PHACTR1: variants seen among roughly 807,000 people sequenced by gnomAD.
PHACTR1 encodes phosphatase and actin regulator 1.
Under a neutral mutation model 69.2 loss-of-function variants are expected in PHACTR1, and 16 were observed. The ratio of observed to expected loss-of-function variants is 0.23; its 90% CI spans 0.16 to 0.35. The LOEUF (loss-of-function observed/expected upper bound fraction) is 0.35. Among genes scored for constraint, PHACTR1 ranks in the 10% least tolerant of loss-of-function variants. The pLI is 1.00. For synonymous variants in PHACTR1, 312 were observed against 284.5 expected, an observed-to-expected ratio of 1.10 and a Z score of -0.97; for missense variants, 510 against 734.7, an observed-to-expected ratio of 0.69 and a Z score of 3.54.
chr6:12,801,426 A>G (rs1773686691), intron 4 of PHACTR1, among the ~76,000 whole-genome samples: 1 of 152,196 alleles, frequency 6.6e-6, no homozygotes, highest in Non-Finnish European at 1.5e-5. Context: ...TCTCATTATC[A>G]AAAGAATGTA....
chr6:12,731,874 C>T (rs78969407), intron 3 of PHACTR1, among the ~76,000 whole-genome samples: 2,032 of 152,146 alleles, frequency 0.013, 37 homozygotes, highest in South Asian at 0.068. Context: ...TGTCGCCACA[C>T]ATTCAAAGGT....
intron 4 of PHACTR1, among the ~76,000 whole-genome samples, chr6:12,803,385 G>A (rs1422071619): frequency 6.6e-6 from 1 of 152,060 alleles, no homozygotes; most frequent in Non-Finnish European, 1.5e-5. Flanking sequence ...TCACAGAAAA[G>A]GAGGAGGAGA....
intron 4 of PHACTR1, among the ~76,000 whole-genome samples, chr6:12,919,125 C>T (rs1041540581): frequency 2.6e-5 from 4 of 151,740 alleles, no homozygotes; most frequent in African/African-American, 4.8e-5. Context: ...ACTGCATGCA[C>T]CCAGCCTGTA....
At chr6:12,857,333 C>T (rs1305222367) in intron 4 of PHACTR1, among the ~76,000 whole-genome samples, 4 of 152,170 alleles carry the variant, frequency 2.6e-5, no homozygotes, top group Non-Finnish European at 5.9e-5. Flanking sequence ...ACATTCTCGT[C>T]AGGCGCGGTG....
chr6:13,014,793 C>T (rs867824769), intron 4 of PHACTR1, among the ~76,000 whole-genome samples: 2 of 152,194 alleles, frequency 1.3e-5, no homozygotes, highest in Non-Finnish European at 2.9e-5. Context: ...CCAGAGCTCC[C>T]GCAGTCTAAT....
chr6:13,001,939 A>G (rs1006241733), intron 4 of PHACTR1, among the ~76,000 whole-genome samples: 2 of 152,222 alleles, frequency 1.3e-5, no homozygotes, highest in Non-Finnish European at 2.9e-5. Flanking sequence ...CCTGGATTCA[A>G]ATTGATTTGG....
chr6:13,147,710 T>C (rs1823625291), intron 5 of PHACTR1, among the ~76,000 whole-genome samples: 1 of 152,228 alleles, frequency 6.6e-6, no homozygotes, highest in East Asian at 1.9e-4. Context: ...GATTTCATTA[T>C]ATGATGACTG....
intron 4 of PHACTR1, among the ~76,000 whole-genome samples, chr6:12,972,364 A>G (rs1794318217): frequency 6.6e-6 from 1 of 152,212 alleles, no homozygotes; most frequent in South Asian, 2.1e-4. Flanking sequence ...ATTAATTCCT[A>G]CACATACCCC....
intron 4 of PHACTR1, among the ~76,000 whole-genome samples, chr6:12,887,840 G>A (rs986259911): frequency 7.2e-5 from 11 of 151,940 alleles, no homozygotes; most frequent in Non-Finnish European, 1.6e-4. Flanking sequence ...AGACCAAGGC[G>A]GGTGGATTGC....
intron 5 of PHACTR1, among the ~76,000 whole-genome samples, chr6:13,083,097 A>G (rs1360920679): frequency 3.3e-5 from 5 of 152,314 alleles, no homozygotes; most frequent in African/African-American, 1.2e-4. Context: ...GTAAGTCTTT[A>G]ATCCATCTTG....
chr6:12,866,564 C>T (rs923254903), intron 4 of PHACTR1, among the ~76,000 whole-genome samples: 9 of 152,056 alleles, frequency 5.9e-5, no homozygotes, highest in East Asian at 3.9e-4. Flanking sequence ...TACAAGGCTC[C>T]GCCCACTCAA....
chr6:12,788,658 G>C (rs1044570724), intron 4 of PHACTR1, among the ~76,000 whole-genome samples: 1 of 152,218 alleles, frequency 6.6e-6, no homozygotes, highest in Admixed American at 6.5e-5. Context: ...AAATCTGACA[G>C]AGAAAAGTGG....
chr6:13,111,344 A>G (rs576378094), intron 5 of PHACTR1, among the ~76,000 whole-genome samples: 7 of 151,336 alleles, frequency 4.6e-5, no homozygotes, highest in Admixed American at 1.3e-4. Context: ...TTTATTTGGA[A>G]CTCCATTTAT....
intron 7 of PHACTR1, among the ~76,000 whole-genome samples, 165 bp from the exon 8 acceptor site, chr6:13,205,650 G>A (rs1323568212): frequency 6.6e-6 from 1 of 152,198 alleles, no homozygotes; most frequent in Non-Finnish European, 1.5e-5. Context: ...AGAGTCAATG[G>A]ATACTTGCTG....
At chr6:13,203,722 C>T (rs967761311) in intron 7 of PHACTR1, among the ~76,000 whole-genome samples, 4 of 152,124 alleles carry the variant, frequency 2.6e-5, no homozygotes, top group African/African-American at 9.7e-5. Context: ...AAGTGACATG[C>T]AAAAGCCTAG....
intron 6 of PHACTR1, among the ~76,000 whole-genome samples, chr6:13,180,631 A>C (rs1327645641): frequency 6.6e-6 from 1 of 152,236 alleles, no homozygotes; most frequent in Non-Finnish European, 1.5e-5. Flanking sequence ...CAGCACTTTT[A>C]TTATACTTTG....
At chr6:12,802,333 C>T (rs1040860253) in intron 4 of PHACTR1, among the ~76,000 whole-genome samples, 2 of 151,546 alleles carry the variant, frequency 1.3e-5, no homozygotes, top group South Asian at 2.1e-4. Flanking sequence ...TTTACTATAA[C>T]GTAAAAGAAA....
intron 4 of PHACTR1, among the ~76,000 whole-genome samples, chr6:13,053,110 C>A: frequency 6.6e-6 from 1 of 152,162 alleles, no homozygotes; most frequent in Middle Eastern, 3.2e-3. Context: ...AGCTCTCCTC[C>A]TCTTTCTCTT....
At chr6:12,789,210 TC>T in intron 4 of PHACTR1, among the ~76,000 whole-genome samples, 1 of 152,316 alleles carries the variant, frequency 6.6e-6, no homozygotes, top group Middle Eastern at 3.4e-3. Flanking sequence ...AGTGAAATTT[TC>T]ACACCTCATC....
Sources: gnomAD v4.1 joint callset for allele counts (sites outside exome capture counted in the v4.1 genomes callset) on GRCh38, gnomAD v4.1.1 for gene constraint, MANE v1.5 for transcripts, NCBI Gene and HGNC (gene_info 2026-07-23, HGNC 2026-07-21) for gene names.